TOP2A: variants seen among roughly 807,000 people sequenced by gnomAD.
TOP2A encodes the protein DNA topoisomerase 2-alpha.
Under a neutral mutation model 187.2 loss-of-function variants are expected in TOP2A, and 68 were observed. The observed-to-expected ratio is 0.36, with a 90% confidence interval of 0.30 to 0.44. The LOEUF is 0.44. Among genes scored for constraint, TOP2A ranks in the 20% least tolerant of loss-of-function variants. The pLI, the probability that TOP2A is intolerant of heterozygous loss-of-function variation, is 1.00. For missense variants in TOP2A, 1,196 were observed against 1,808.7 expected (o/e 0.66, Z 6.14); for synonymous variants, 542 against 593.2 (o/e 0.91, Z 1.25).
At chr17:40,416,186 G>A in intron 3 of TOP2A, 118 bp from the exon 4 acceptor site, 1 of 874,994 alleles carries the variant, frequency 1.1e-6, no homozygotes, top group Non-Finnish European at 1.8e-6. Context: ...CATTAACAAG[G>A]TGTTAATTTA....
At chr17:40,406,531 T>G (rs760184213) in intron 15 of TOP2A, 38 bp from the exon 16 acceptor site, 2 of 1,607,228 alleles carry the variant, frequency 1.2e-6, no homozygotes, top group African/African-American at 1.3e-5. Flanking sequence ...TCATATAGTC[T>G]TGTACAGGGT....
At chr17:40,394,174 A>G (rs1312196166) in intron 29 of TOP2A, among the ~76,000 whole-genome samples, 1 of 147,968 alleles carries the variant, frequency 6.8e-6, no homozygotes, top group Non-Finnish European at 1.5e-5. Context: ...CACATATTAT[A>G]TGATTTAATT....
At position 40,404,273 on chromosome 17, in the gene TOP2A, C is replaced by A. The variant is rs1376211836; in HGVS notation, c.2162G>T (p.Gly721Val). ...NERSIPSMVD[G>V]LKPGQRKVLF... The stretch of plus-strand genomic sequence containing the variant: ...AACCTTTCTCTGACCTGGTTTCAAA[C>A]CTTTAAAATGAAATAAGAGCAAACG... Residue 721 changes from glycine (G) to valine (V), a missense_variant and splice_region_variant, in exon 19 of 35, where the codon GGT becomes GTT. By Grantham distance (109) the Gly-to-Val change is moderately radical (BLOSUM62 -3). Around this residue, in one of 10 missense-constraint regions of TOP2A, gnomAD observed 209 missense variants for 376.9 expected, o/e 0.55. Transcript: ENST00000423485. 6.2e-7 allele frequency: 1 copy of A among 1,612,272 alleles called. No individual in the cohort carries two copies. The highest frequency in any genetic ancestry group is 1.7e-5 in the Admixed American group (1 of 59,576).
At chr17:40,392,764 C>T (rs2035041666) in intron 29 of TOP2A, 27 bp from the exon 30 acceptor site, 14 of 1,577,904 alleles carry the variant, frequency 8.9e-6, no homozygotes, top group Non-Finnish European at 1.2e-5. Context: ...AATTAATCAC[C>T]TTTATATATT....
At position 40,412,853 on chromosome 17, in the gene TOP2A, T is replaced by C; in HGVS notation, c.695A>G (p.Asp232Gly). ...DLSKFKMQSL[D>G]KDIVALMVRR... ...GACCATTAGTGCAACAATATCTTTG[T>C]CCAGGCTTTGCATTTTAAACTTAGA... The change falls in exon 7 of 35, where the codon GAC (aspartate) becomes GGC (glycine). Residue 232 changes from aspartate to glycine, a missense_variant. Asp to Gly is a moderately conservative substitution (Grantham distance 94). Transcript: ENST00000423485. 1 of 1,613,984 alleles carries C rather than the reference T, an allele frequency of 6.2e-7. No homozygotes were observed. Among genetic ancestry groups the C allele is most frequent in the Non-Finnish European group, 8.5e-7 (1 of 1,179,884 alleles).
rs1141364 is a variant in TOP2A at position 40,396,304 on chromosome 17, C to A, written c.3699G>T (p.Lys1233Asn). Residue 1233 changes from lysine (K) to asparagine (N), a missense_variant, in exon 28 of 35, where the codon AAG becomes AAT. Physicochemically the swap from Lys to Asn is moderately conservative, Grantham distance 94. Coordinates refer to ENST00000423485, the MANE Select transcript of TOP2A (RefSeq NM_001067.4). ...TTACCTTAATTTTCTTTTTATTTTT[C>A]TTTTCTGCCTCTGCTTTCATTTCTA... ...ITIEMKAEAEKKNKKKIKNEN... is the reference protein window; with the variant it reads ...ITIEMKAEAENKNKKKIKNEN... 2 of 1,598,860 alleles carry A rather than the reference C, an allele frequency of 1.3e-6. No individual in the cohort carries two copies. The highest frequency in any genetic ancestry group is 1.7e-6 in the Non-Finnish European group (2 of 1,167,176).
Position 40,411,027 on chromosome 17 carries a change from A to G in TOP2A, c.1203+82T>C. ...ACTTGGAGAAGCTCACTATGAGAAG[A>G]ATCATTGTTTCTGCAGAGCTAAGAA... On this transcript the variant is annotated intron_variant, in intron 10 of 34. Coordinates refer to ENST00000423485, the MANE Select transcript of TOP2A (RefSeq NM_001067.4). The surrounding 1 kb of genome is among the most constrained non-coding windows in gnomAD (Gnocchi z 4.4). 7.3e-7 allele frequency: 1 copy of G among 1,363,048 alleles called. No homozygotes were observed. Among genetic ancestry groups the G allele is most frequent in the Non-Finnish European group, 9.8e-7 (1 of 1,024,752 alleles). The allele number at this position is 1,363,048 out of a possible 1,614,324, so 84.4% of individuals were successfully genotyped here.
In TOP2A at chr17:40,400,569, G is replaced by C. The variant is rs1400011738; in HGVS notation, c.2759C>G (p.Thr920Ser). 3.1e-6 allele frequency: 5 copies of C among 1,611,244 alleles called. No individual in the cohort carries two copies. The highest frequency in any genetic ancestry group is 3.4e-6 in the Non-Finnish European group (4 of 1,178,966). ...SGEVAILNST[T>S]IEISELPVRT... Reference sequence around the variant, plus strand: ...GACGGGAAGCTCTGAGATTTCAATGGTTGTAGAATTAAGAATAGCTACTTC... The same window carrying C: ...GACGGGAAGCTCTGAGATTTCAATGCTTGTAGAATTAAGAATAGCTACTTC... Residue 920 changes from threonine (T) to serine (S), a missense_variant, in exon 22 of 35, where the codon ACC (threonine) becomes AGC (serine). Thr to Ser is a moderately conservative substitution (Grantham distance 58, BLOSUM62 1). Around this residue, in one of 10 missense-constraint regions of TOP2A, gnomAD observed 232 missense variants for 306.1 expected, o/e 0.76. Transcript: ENST00000423485.
At chr17:40,405,597 G>A (rs1435922147) in intron 16 of TOP2A, among the ~76,000 whole-genome samples, 1 of 151,720 alleles carries the variant, frequency 6.6e-6, no homozygotes, top group Non-Finnish European at 1.5e-5. Context: ...TGGGATTACA[G>A]GCGCGTGTCA....
intron 20 of TOP2A, among the ~76,000 whole-genome samples, chr17:40,402,384 T>C (rs747894571): frequency 3.9e-5 from 6 of 152,206 alleles, no homozygotes; most frequent in Middle Eastern, 3.4e-3. Context: ...AGTGTAGGCA[T>C]TGGAAAGAGA....
intron 33 of TOP2A, 51 bp from the exon 34 acceptor site, chr17:40,390,215 G>A: frequency 6.6e-7 from 1 of 1,508,120 alleles, no homozygotes; most frequent in South Asian, 1.3e-5. Context: ...TTGAGATGGG[G>A]TCTCACTCTA....
intron 29 of TOP2A, among the ~76,000 whole-genome samples, 192 bp downstream of exon 29, chr17:40,395,257 T>C (rs1005618642): frequency 3.3e-5 from 4 of 123,028 alleles, no homozygotes; most frequent in Non-Finnish European, 4.8e-5. Context: ...CACTCCAGCC[T>C]GGGCAACAAG....
At chr17:40,395,767 G>GC (rs982846168) in intron 28 of TOP2A, among the ~76,000 whole-genome samples, 2 of 151,624 alleles carry the variant, frequency 1.3e-5, no homozygotes, top group African/African-American at 4.8e-5. Context: ...GTGGTGATGT[G>GC]CCCCCAACTA....
At chr17:40,401,884 G>A (rs927645697) in intron 20 of TOP2A, among the ~76,000 whole-genome samples, 2 of 152,060 alleles carry the variant, frequency 1.3e-5, no homozygotes, top group African/African-American at 4.8e-5. Flanking sequence ...GGTATGAGAA[G>A]GAATCAAAAG....
intron 33 of TOP2A, among the ~76,000 whole-genome samples, chr17:40,390,624 ATT>A (rs202246173): frequency 2.6e-4 from 34 of 129,704 alleles, no homozygotes; most frequent in Admixed American, 2.4e-4. Context: ...TAAACATTCT[ATT>A]TTTTTTTTTT....
At chr17:40,417,499 T>C in intron 1 of TOP2A, 1 of 1,380,338 alleles carries the variant, frequency 7.2e-7, no homozygotes, top group Non-Finnish European at 9.4e-7. Context: ...CGGGCCGCTG[T>C]AACATGGATC....
intron 33 of TOP2A, among the ~76,000 whole-genome samples, chr17:40,390,793 T>A (rs764172355): frequency 1.5e-4 from 23 of 151,672 alleles, no homozygotes; most frequent in Non-Finnish European, 3.2e-4. Context: ...ACCTGGCTAA[T>A]TTTGTGTTTT....
intron 10 of TOP2A, chr17:40,409,779 C>CAAA (rs886646711): frequency 2.8e-4 from 21 of 76,330 alleles, no homozygotes; most frequent in African/African-American, 4.0e-4. Context: ...GACTCTGTCT[C>CAAA]AAAAAAAAAA....
intron 29 of TOP2A, among the ~76,000 whole-genome samples, chr17:40,394,968 G>A (rs2035071972): frequency 6.6e-6 from 1 of 152,116 alleles, no homozygotes; most frequent in Non-Finnish European, 1.5e-5. Flanking sequence ...TTTCTATAAT[G>A]AATCAAATCC....
Sources: allele counts gnomAD v4.1 joint callset (sites outside exome capture counted in the v4.1 genomes callset), GRCh38; gene constraint gnomAD v4.1.1; regional missense constraint gnomAD v4.1.1; non-coding constraint Gnocchi (gnomAD v3.1); transcripts MANE v1.5; gene names NCBI Gene and HGNC (gene_info 2026-07-23, HGNC 2026-07-21).